The following ZNF440 variants were observed in gnomAD, a reference collection of about 807,000 sequenced individuals.
The protein encoded by ZNF440 is zinc finger protein 440.
A neutral mutation model predicts 49.7 loss-of-function variants in ZNF440; 47 were observed. The ratio of observed to expected loss-of-function variants is 0.95; its 90% CI spans 0.75 to 1.21. The LOEUF (loss-of-function observed/expected upper bound fraction) is 1.21, where lower values mean the gene tolerates loss of function less well. Among genes scored for constraint, ZNF440 ranks in the 50% most tolerant of loss-of-function variants. The pLI is 0.00. For synonymous variants in ZNF440, 255 were observed against 237.7 expected, an observed-to-expected ratio of 1.07 and a Z score of -0.67; for missense variants, 703 against 715.0, an observed-to-expected ratio of 0.98 and a Z score of 0.19.
chr19:11,832,562 A>G lies in ZNF440; in HGVS notation c.1386A>G (p.Ile462Met), dbSNP rs1289738563. Residue 462 changes from isoleucine to methionine, a missense_variant, in exon 4 of 4, where the codon ATA becomes ATG. Physicochemically the swap from Ile to Met is conservative, Grantham distance 10. Coordinates refer to ENST00000304060, the MANE Select transcript of ZNF440 (RefSeq NM_152357.3). Reference sequence around the variant, plus strand: ...GAGAAAGACGTTATAAATGTAAGATATGTGGGAAAGGCTTTTATTGTCCCA... The same window carrying G: ...GAGAAAGACGTTATAAATGTAAGATGTGTGGGAAAGGCTTTTATTGTCCCA... ...HSGERRYKCK[I>M]CGKGFYCPKS... is the part of the protein sequence containing the mutation. The G allele has an allele frequency of 1.2e-6, 2 of 1,613,964 alleles. No homozygotes were observed. The highest frequency in any genetic ancestry group is 1.1e-5 in the South Asian group (1 of 91,064).
chr19:11,815,217 C>T (rs1423895029), intron 1 of ZNF440, among the ~76,000 whole-genome samples: 1 of 150,818 alleles, frequency 6.6e-6, no homozygotes, highest in African/African-American at 2.4e-5. Context: ...GTGGAGCTTG[C>T]AGTGAGCCGA....
chr19:11,817,204 G>A (rs538522110), intron 1 of ZNF440: 1 of 152,300 alleles, frequency 6.6e-6, no homozygotes, highest in African/African-American at 2.4e-5. Flanking sequence ...TATATTACTG[G>A]GAAAAGAGGT....
intron 1 of ZNF440, among the ~76,000 whole-genome samples, chr19:11,814,926 T>C (rs572359975): frequency 2.0e-5 from 3 of 152,208 alleles, no homozygotes; most frequent in African/African-American, 7.2e-5. Flanking sequence ...CCTTTCCTCA[T>C]TGGCTAGGGT....
At position 11,831,472 on chromosome 19, in the gene ZNF440, C is replaced by T. The variant is rs371603945; in HGVS notation, c.296C>T (p.Ala99Val). 1 of 1,613,932 alleles carries T rather than the reference C, an allele frequency of 6.2e-7. No individual in the cohort carries two copies. Among genetic ancestry groups the T allele is most frequent in the African/African-American group, 1.3e-5 (1 of 75,042 alleles). ...AGACTGAACTTCCAGGAGAAGAAAG[C>T]TTCTCCTGAAGTAAAATCATGTGAA... is the stretch of plus-strand genomic sequence containing the variant. ...DDRLNFQEKK[A>V]SPEVKSCESF... is the part of the protein sequence containing the mutation. The change falls in exon 4 of 4, where the codon GCT becomes GTT. Residue 99 changes from alanine (A) to valine (V), a missense_variant. By Grantham distance (64) the Ala-to-Val change is moderately conservative (BLOSUM62 0). Transcript: ENST00000304060.
intron 1 of ZNF440, among the ~76,000 whole-genome samples, chr19:11,819,801 C>T (rs927964149): frequency 6.6e-6 from 1 of 152,142 alleles, no homozygotes; most frequent in African/African-American, 2.4e-5. Context: ...ATTTCATTTC[C>T]CTATAAATTA....
chr19:11,830,153 G>C (rs931095195), intron 1 of ZNF440, 130 bp from the exon 2 acceptor site: 1 of 1,510,666 alleles, frequency 6.6e-7, no homozygotes, highest in African/African-American at 1.4e-5. Context: ...GGGAGAAAGA[G>C]ATCTGATGAC....
At chr19:11,829,215 C>T (rs1975903670) in intron 1 of ZNF440, among the ~76,000 whole-genome samples, 1 of 151,816 alleles carries the variant, frequency 6.6e-6, no homozygotes, top group African/African-American at 2.4e-5. Context: ...TTAGGAATGT[C>T]CCCTTTGCCC....
chr19:11,834,057 A>G lies in ZNF440; in HGVS notation c.*1093A>G, dbSNP rs1975988045. 3.8e-6 allele frequency: 1 copy of G among 264,100 alleles called. No individual in the cohort carries two copies. Among genetic ancestry groups the G allele is most frequent in the Non-Finnish European group, 7.6e-6 (1 of 131,580 alleles). The allele number at this position is 264,100 out of a possible 1,614,324, so 16.4% of individuals were successfully genotyped here. A position where few individuals can be genotyped will look rare whatever the true frequency, so the allele number is the denominator to read the frequency against. On this transcript the variant is annotated 3_prime_UTR_variant, in exon 4 of 4. Coordinates refer to ENST00000304060, the MANE Select transcript of ZNF440 (RefSeq NM_152357.3). Reference sequence around the variant, plus strand: ...TAACCATGTGGATAAAATGCCAGACATCTTTTTATTCGAAAATTTTACTTT... The same window carrying G: ...TAACCATGTGGATAAAATGCCAGACGTCTTTTTATTCGAAAATTTTACTTT...
intron 1 of ZNF440, among the ~76,000 whole-genome samples, chr19:11,824,784 T>C (rs13346773): frequency 4.7e-5 from 7 of 148,238 alleles, no homozygotes; most frequent in African/African-American, 1.7e-4. Flanking sequence ...CTCGGCTCAC[T>C]GCAACCTCCG....
At chr19:11,826,823 A>G (rs1975873190) in intron 1 of ZNF440, among the ~76,000 whole-genome samples, 1 of 151,374 alleles carries the variant, frequency 6.6e-6, no homozygotes, top group Admixed American at 6.6e-5. Flanking sequence ...GCTGCCACAC[A>G]TGGCCACTGT....
chr19:11,817,842 A>G (rs1975751600), intron 1 of ZNF440, among the ~76,000 whole-genome samples: 1 of 152,198 alleles, frequency 6.6e-6, no homozygotes, highest in Admixed American at 6.5e-5. Flanking sequence ...ACAGCGTCAC[A>G]AAATTTATTA....
intron 1 of ZNF440, among the ~76,000 whole-genome samples, chr19:11,815,284 T>TCACACACACACACACACACACA (rs3223082): frequency 2.6e-3 from 318 of 121,100 alleles, no homozygotes; most frequent in Non-Finnish European, 3.5e-3. Context: ...GGCAACTCCG[T>TCACACACACACACACACACACA]CACACACACA....
At position 11,814,460 on chromosome 19, in the gene ZNF440, A is replaced by G; in HGVS notation, c.3+10A>G. 1 of 1,530,914 alleles carries G rather than the reference A, an allele frequency of 6.5e-7. No homozygotes were observed. The highest frequency in any genetic ancestry group is 2.1e-5 in the Admixed American group (1 of 48,568). 94.8% of individuals were successfully genotyped at this position (1,530,914 alleles called of 1,614,324 possible). ...TGGAAGCCGAGAAATGGTGTGTGTG[A>G]GGGGGCTGGCGTCCGGGCGACTGGG... On this transcript the variant is annotated intron_variant, in intron 1 of 3. Transcript: ENST00000304060.
chr19:11,823,574 C>CAT (rs1975824780), intron 1 of ZNF440, among the ~76,000 whole-genome samples: 1 of 151,990 alleles, frequency 6.6e-6, no homozygotes, highest in African/African-American at 2.4e-5. Flanking sequence ...TCATTTATTT[C>CAT]ATTTTATATT....
intron 1 of ZNF440, among the ~76,000 whole-genome samples, chr19:11,822,910 C>T (rs1170469257): frequency 6.7e-6 from 1 of 149,832 alleles, no homozygotes; most frequent in Non-Finnish European, 1.5e-5. Flanking sequence ...ATCTTTGTCT[C>T]TCTGATAATA....
At chr19:11,830,097 T>TG (rs1397234770) in intron 1 of ZNF440, 186 bp from the exon 2 acceptor site, 1 of 1,204,630 alleles carries the variant, frequency 8.3e-7, no homozygotes, top group Non-Finnish European at 1.1e-6. Flanking sequence ...GCAACAAGAG[T>TG]GAAAAAAAAA....
At chr19:11,826,870 G>T (rs1975873635) in intron 1 of ZNF440, among the ~76,000 whole-genome samples, 1 of 151,962 alleles carries the variant, frequency 6.6e-6, no homozygotes, top group Middle Eastern at 3.4e-3. Context: ...CACTGTGTTG[G>T]CCAGGCTGGT....
At chr19:11,831,206 C>CA (rs1267149026) in intron 3 of ZNF440, among the ~76,000 whole-genome samples, 162 bp from the exon 4 acceptor site, 1 of 152,144 alleles carries the variant, frequency 6.6e-6, no homozygotes, top group African/African-American at 2.4e-5. Context: ...ATGGCTGGGT[C>CA]ACCTTGTAGA....
chr19:11,833,026 G>A lies in ZNF440; in HGVS notation c.*62G>A. The A allele has an allele frequency of 6.3e-7, 1 of 1,596,592 alleles. No homozygotes were observed. Among genetic ancestry groups the A allele is most frequent in the East Asian group, 2.2e-5 (1 of 44,472 alleles). ...GTGGGAGGGGCTTTTATTCTGCCAA[G>A]TCATTTCAAATACATGAAAAATCTT... On this transcript the variant is annotated 3_prime_UTR_variant, in exon 4 of 4. Transcript: ENST00000304060.
Sources: allele counts gnomAD v4.1 joint callset (sites outside exome capture counted in the v4.1 genomes callset), GRCh38; gene constraint gnomAD v4.1.1; transcripts MANE v1.5; gene names NCBI Gene and HGNC (gene_info 2026-07-23, HGNC 2026-07-21).